Variants in MLPH observed in about 807,000 individuals in gnomAD.
MLPH encodes the protein exophilin-3.
In MLPH, 51 loss-of-function variants were observed where a neutral mutation model predicts 72.1. The observed-to-expected ratio is 0.71, with a 90% CI of 0.56 to 0.89. The LOEUF (loss-of-function observed/expected upper bound fraction) is 0.89, where lower values mean the gene tolerates loss of function less well. Ranked by LOEUF, MLPH falls within the 40% of genes least tolerant of loss-of-function variation. The pLI is 0.00. For missense variants in MLPH, 743 were observed against 759.9 expected (o/e 0.98, Z 0.26); for synonymous variants, 301 against 310.1 (o/e 0.97, Z 0.31).
At chr2:237,536,880 C>T (rs1249962505) in intron 9 of MLPH, among the ~76,000 whole-genome samples, 3 of 152,202 alleles carry the variant, frequency 2.0e-5, no homozygotes, top group South Asian at 2.1e-4. Flanking sequence ...GCCACCCTCG[C>T]TCTGGCTCTT....
At chr2:237,494,187 G>A (rs77856818) in intron 2 of MLPH, among the ~76,000 whole-genome samples, 15,751 of 152,166 alleles carry the variant, frequency 0.1, 964 homozygotes, top group Non-Finnish European at 0.14. Context: ...CGAAGGGGGG[G>A]GCAGAGAGCA....
At chr2:237,535,198 A>G (rs554697650) in intron 9 of MLPH, among the ~76,000 whole-genome samples, 1 of 152,256 alleles carries the variant, frequency 6.6e-6, no homozygotes, top group Non-Finnish European at 1.5e-5. Flanking sequence ...GCACATGGTG[A>G]CAGAGGGCAG....
chr2:237,540,481 C>CAG lies in MLPH; in HGVS notation c.1241_1242dup (p.Pro415SerfsTer58). 1.2e-6 allele frequency: 2 copies of CAG among 1,613,048 alleles called. No individual in the cohort carries two copies. The highest frequency in any genetic ancestry group is 1.7e-6 in the Non-Finnish European group (2 of 1,179,960). On this transcript the variant is annotated frameshift_variant, in exon 10 of 16. Transcript: ENST00000264605. LOFTEE classifies it high-confidence loss of function. ...GAGGAGGAAGCCAAGGACGAAAAGG[C>CAG]AGAGCCCAACAGGGACAAATCAGTT...
chr2:237,504,591 C>T (rs2079724263), intron 2 of MLPH, among the ~76,000 whole-genome samples: 2 of 152,202 alleles, frequency 1.3e-5, no homozygotes, highest in Admixed American at 1.3e-4. Context: ...AGCCACTGCC[C>T]CACGGCCAGC....
At position 237,551,343 on chromosome 2, in the gene MLPH, A is replaced by G. The variant is rs558754217; in HGVS notation, c.1676-994A>G. On this transcript the variant is annotated intron_variant, in intron 14 of 15. Coordinates refer to ENST00000264605, the MANE Select transcript of MLPH (RefSeq NM_024101.7). ...GCTGAGCCAACTCCCAGAAAAGGAA[A>G]AGGACAAAGTCCTGGCCTGTAGCAT... 1.3e-4 allele frequency among the ~76,000 whole-genome samples: 20 copies of G among 152,386 alleles called. 1 individual carries two copies. In the South Asian group the frequency reaches 4.1e-3, roughly 32 times the overall value.
intron 9 of MLPH, among the ~76,000 whole-genome samples, chr2:237,538,873 C>T (rs2080598819): frequency 6.6e-6 from 1 of 152,212 alleles, no homozygotes; most frequent in Non-Finnish European, 1.5e-5. Context: ...GTGAGGGTGA[C>T]ATTTCAAACA....
rs545763274 is a variant in MLPH, at chr2:237,495,564, G to A, written c.110+2028G>A. On this transcript the variant is annotated intron_variant, in intron 2 of 15. Coordinates refer to ENST00000264605, the MANE Select transcript of MLPH (RefSeq NM_024101.7). ...TGGGTTCCCATGCTGAACAGGGTCCGCAACAAACCGTTAGGTGAAGCAAGA... is the reference window on the plus strand; with the variant it reads ...TGGGTTCCCATGCTGAACAGGGTCCACAACAAACCGTTAGGTGAAGCAAGA... Among the ~76,000 whole-genome samples the A allele has an allele frequency of 2.2e-4, 34 of 152,290 alleles. No homozygotes were observed. The South Asian group carries it at 3.5e-3, about 16-fold the overall frequency.
intron 8 of MLPH, among the ~76,000 whole-genome samples, chr2:237,528,959 A>G (rs2080362160): frequency 6.6e-6 from 1 of 152,194 alleles, no homozygotes. Context: ...TTATGAAAAT[A>G]TATATTTTAT....
At position 237,520,305 on chromosome 2, in the gene MLPH, C is replaced by A. The variant is rs143400718; in HGVS notation, c.675+276C>A. Among the ~76,000 whole-genome samples the A allele has an allele frequency of 7.1e-3, 1,079 of 152,164 alleles. 5 individuals are homozygous for A. Among genetic ancestry groups the A allele is most frequent in the Middle Eastern group, 0.02 (6 of 294 alleles). ...CTGAGACTGGACAGATGAGTTGGGG[C>A]CCAGGGATCGGTGCTTGGGACAGAA... On this transcript the variant is annotated intron_variant, in intron 6 of 15. Coordinates refer to ENST00000264605, the MANE Select transcript of MLPH (RefSeq NM_024101.7).
At chr2:237,551,779 A>G (rs1045160501) in intron 14 of MLPH, among the ~76,000 whole-genome samples, 4 of 152,088 alleles carry the variant, frequency 2.6e-5, no homozygotes, top group Non-Finnish European at 4.4e-5. Flanking sequence ...GGAGTTCGAG[A>G]CCAGCCTGGC....
chr2:237,516,681 A>G (rs2080025039), intron 4 of MLPH, among the ~76,000 whole-genome samples: 1 of 152,252 alleles, frequency 6.6e-6, no homozygotes, highest in South Asian at 2.1e-4. Flanking sequence ...AATTCAGACC[A>G]GCTCTAAGTG....
intron 2 of MLPH, among the ~76,000 whole-genome samples, chr2:237,501,451 C>T (rs2079645362): frequency 6.6e-6 from 1 of 152,000 alleles, no homozygotes. Flanking sequence ...TGAGTGAGAG[C>T]TTGCTGTGTA....
chr2:237,509,747 C>T (rs979119087), intron 2 of MLPH, among the ~76,000 whole-genome samples: 2 of 152,064 alleles, frequency 1.3e-5, no homozygotes, highest in Non-Finnish European at 2.9e-5. Context: ...GCACTTGAAA[C>T]CGGAGGTGGC....
At chr2:237,535,547 C>T (rs980638413) in intron 9 of MLPH, among the ~76,000 whole-genome samples, 1 of 152,054 alleles carries the variant, frequency 6.6e-6, no homozygotes, top group Admixed American at 6.6e-5. Context: ...AGCCGGGGTG[C>T]AGAGGGAGTA....
Position 237,501,664 on chromosome 2 carries a change from TA to T in MLPH, c.110+8153del, listed in dbSNP as rs58268748. Among the ~76,000 whole-genome samples the T allele has an allele frequency of 7.4e-3, 472 of 63,562 alleles. 1 individual carries two copies. The highest frequency in any genetic ancestry group is 0.039 in the African/African-American group (361 of 9,140). 41.7% of individuals were successfully genotyped at this position (63,562 alleles called of 152,430 possible). On this transcript the variant is annotated intron_variant, in intron 2 of 15. Coordinates refer to ENST00000264605, the MANE Select transcript of MLPH (RefSeq NM_024101.7). ...TAACATAGTGAAACCACGTCTCTAC[TA>T]AAAAAAAAAAAAAAAAAAAAAAAAT...
chr2:237,548,384 C>T lies in MLPH; in HGVS notation c.1618-837C>T, dbSNP rs78732887. Among the ~76,000 whole-genome samples, 19 of 152,312 alleles carry T rather than the reference C, an allele frequency of 1.2e-4. No individual in the cohort carries two copies. In the East Asian group the frequency reaches 2.7e-3, roughly 22 times the overall value. On this transcript the variant is annotated intron_variant, in intron 13 of 15. Coordinates refer to ENST00000264605, the MANE Select transcript of MLPH (RefSeq NM_024101.7). Reference sequence around the variant, plus strand: ...CTGTCTCTTCACTTCCCTGAAAAGCCAAACAGAGAATGGATTTCTTATCAC... The same window carrying T: ...CTGTCTCTTCACTTCCCTGAAAAGCTAAACAGAGAATGGATTTCTTATCAC...
intron 14 of MLPH, among the ~76,000 whole-genome samples, chr2:237,549,891 A>T (rs7608561): frequency 0.16 from 24,352 of 151,758 alleles, 2,959 homozygotes; most frequent in African/African-American, 0.35. Context: ...CATTGTTCAA[A>T]CTCTGCCACA....
At chr2:237,501,518 A>G (rs1012484427) in intron 2 of MLPH, among the ~76,000 whole-genome samples, 2 of 151,936 alleles carry the variant, frequency 1.3e-5, no homozygotes, top group Admixed American at 6.6e-5. Flanking sequence ...CCATAAATAT[A>G]TATTACATCT....
chr2:237,532,165 A>G (rs1365570801), intron 8 of MLPH, among the ~76,000 whole-genome samples: 3 of 152,220 alleles, frequency 2.0e-5, no homozygotes, highest in African/African-American at 7.2e-5. Flanking sequence ...GTGGGACCCC[A>G]GGAGGAAGCA....
Sources: allele counts gnomAD v4.1 joint callset (sites outside exome capture counted in the v4.1 genomes callset), GRCh38; gene constraint gnomAD v4.1.1; transcripts MANE v1.5; gene names NCBI Gene and HGNC (gene_info 2026-07-23, HGNC 2026-07-21).